Variants in DEK observed in about 807,000 individuals in gnomAD.
DEK encodes DEK proto-oncogene.
Under a neutral mutation model 46.8 loss-of-function variants are expected in DEK, and 28 were observed. The ratio of observed to expected loss-of-function variants is 0.60; its 90% CI spans 0.44 to 0.82. The LOEUF (loss-of-function observed/expected upper bound fraction) is 0.82, where lower values mean the gene tolerates loss of function less well. Ranked by LOEUF, DEK falls within the 40% of genes least tolerant of loss-of-function variation. The probability of loss-of-function intolerance (pLI) is 0.00; values close to 1 mark genes in which losing one functional copy is unlikely to be tolerated. For synonymous variants in DEK, 160 were observed against 144.5 expected, an observed-to-expected ratio of 1.11 and a Z score of -0.77; for missense variants, 416 against 430.6, an observed-to-expected ratio of 0.97 and a Z score of 0.30.
In DEK at chr6:18,249,753, G is replaced by C. The variant is rs1791284166; in HGVS notation, c.660C>G (p.Thr220=). The C allele has an allele frequency of 6.2e-7, 1 of 1,613,080 alleles. No homozygotes were observed. Among genetic ancestry groups the C allele is most frequent in the Non-Finnish European group, 8.5e-7 (1 of 1,179,800 alleles). Residue 220 remains threonine, a synonymous_variant, in exon 7 of 11, where the codon ACC becomes ACG. Coordinates refer to ENST00000652689, the MANE Select transcript of DEK (RefSeq NM_003472.4). The part of the protein sequence containing the change: ...SSGMARKAKR[T]KCPEILSDES... ...CATCTGACAGAATTTCAGGACATTT[G>C]GTTCGCTTAGCCTTCCTTGCCATTC...
At chr6:18,225,836 T>C (rs1270018336) in intron 10 of DEK, 106 bp from the exon 11 acceptor site, 2 of 1,282,730 alleles carry the variant, frequency 1.6e-6, no homozygotes, top group Non-Finnish European at 2.2e-6. Flanking sequence ...TTGAGATCAA[T>C]ACAGAATTAC....
chr6:18,261,154 T>C (rs1271972948), intron 2 of DEK, among the ~76,000 whole-genome samples: 1 of 152,044 alleles, frequency 6.6e-6, no homozygotes, highest in East Asian at 1.9e-4. Flanking sequence ...ACAAGCAGCT[T>C]GCATCCTGAG....
Position 18,237,652 on chromosome 6 carries a change from T to C in DEK, c.763-136A>G, listed in dbSNP as rs1230526515. 7.5e-6 allele frequency: 9 copies of C among 1,196,050 alleles called. No homozygotes were observed. The East Asian group carries it at 2.1e-4, about 28-fold the overall frequency. 74.1% of individuals were successfully genotyped at this position (1,196,050 alleles called of 1,614,324 possible). A position where few individuals can be genotyped will look rare whatever the true frequency, so the allele number is the denominator to read the frequency against. On this transcript the variant is annotated intron_variant, in intron 7 of 10. Coordinates refer to ENST00000652689, the MANE Select transcript of DEK (RefSeq NM_003472.4). The stretch of plus-strand genomic sequence containing the variant: ...TTGGTATCAGCAATTAAAAATTCTT[T>C]TTGAGAGATGACTAATATACAACAA...
intron 7 of DEK, among the ~76,000 whole-genome samples, chr6:18,241,732 A>G (rs950956351): frequency 5.3e-5 from 8 of 152,214 alleles, no homozygotes; most frequent in Non-Finnish European, 1.2e-4. Context: ...TCCCGGCTAC[A>G]TATAATCTTT....
intron 5 of DEK, 53 bp from the exon 6 acceptor site, chr6:18,255,904 T>C (rs1582292715): frequency 1.9e-6 from 3 of 1,555,126 alleles, no homozygotes; most frequent in African/African-American, 2.8e-5. Context: ...AGCTTACATA[T>C]GTTCTCCACA....
At chr6:18,227,567 G>A (rs1317722098) in intron 9 of DEK, among the ~76,000 whole-genome samples, 8 of 152,000 alleles carry the variant, frequency 5.3e-5, no homozygotes, top group Admixed American at 4.6e-4. Context: ...CGGATCCTCC[G>A]TATACTGAAC....
At chr6:18,255,134 A>G (rs933378478) in intron 6 of DEK, among the ~76,000 whole-genome samples, 12 of 152,178 alleles carry the variant, frequency 7.9e-5, no homozygotes, top group African/African-American at 2.9e-4. Flanking sequence ...ATTTTAAGTC[A>G]CCTATGTCAT....
At chr6:18,236,697 G>A in intron 8 of DEK, 97 bp from the exon 9 acceptor site, 1 of 867,776 alleles carries the variant, frequency 1.2e-6, no homozygotes, top group South Asian at 2.8e-5. Flanking sequence ...ATTCTCAAAG[G>A]GGTACTGGAT....
At chr6:18,229,771 C>T (rs995121221) in intron 9 of DEK, among the ~76,000 whole-genome samples, 5 of 152,078 alleles carry the variant, frequency 3.3e-5, no homozygotes, top group Middle Eastern at 3.4e-3. Context: ...CTGAAAGTGA[C>T]GGGGAGAATG....
chr6:18,258,290 T>C lies in DEK; in HGVS notation c.247+14A>G, dbSNP rs369198666. On this transcript the variant is annotated intron_variant, in intron 3 of 10. Coordinates refer to ENST00000652689, the MANE Select transcript of DEK (RefSeq NM_003472.4). The stretch of plus-strand genomic sequence containing the variant: ...CTTTCACCACAAAATGAAAGGAAGC[T>C]AGAATAAACTTACCTTGTGCAATTG... The C allele has an allele frequency of 1.3e-6, 2 of 1,593,732 alleles. No homozygotes were observed. The highest frequency in any genetic ancestry group is 1.4e-5 in the African/African-American group (1 of 73,876).
At chr6:18,229,475 C>T (rs1476158255) in intron 9 of DEK, among the ~76,000 whole-genome samples, 3 of 152,056 alleles carry the variant, frequency 2.0e-5, no homozygotes, top group Non-Finnish European at 4.4e-5. Flanking sequence ...AGCTAAAAAC[C>T]TTGAAAAAAG....
Position 18,226,223 on chromosome 6 carries a change from G to A in DEK, c.1067C>T (p.Thr356Ile), listed in dbSNP as rs1008357354. 6.7e-6 allele frequency: 9 copies of A among 1,347,624 alleles called. No homozygotes were observed. In the African/African-American group the frequency reaches 1.2e-4, roughly 18 times the overall value. 83.5% of individuals were successfully genotyped at this position (1,347,624 alleles called of 1,614,324 possible). Reference sequence around the variant, plus strand: ...ATCTTTTCTTTCAGTTAAATCATAAGTAGGATAATTTTCATAGACCTATGT... The same window carrying A: ...ATCTTTTCTTTCAGTTAAATCATAAATAGGATAATTTTCATAGACCTATGT... ...ICKKVYENYP[T>I]YDLTERKDFI... is the part of the protein sequence containing the mutation. Residue 356 changes from threonine to isoleucine, a missense_variant, in exon 10 of 11, where the codon ACT (threonine) becomes ATT (isoleucine). Physicochemically the swap from Thr to Ile is moderately conservative, Grantham distance 89 (BLOSUM62 -1). Coordinates refer to ENST00000652689, the MANE Select transcript of DEK (RefSeq NM_003472.4).
At chr6:18,244,434 G>A in intron 7 of DEK, 1 of 685,208 alleles carries the variant, frequency 1.5e-6, no homozygotes, top group South Asian at 1.6e-5. Context: ...TAACCATGAA[G>A]GTACAGAATC....
At chr6:18,235,545 G>A (rs4712329) in intron 9 of DEK, among the ~76,000 whole-genome samples, 34,670 of 152,014 alleles carry the variant, frequency 0.23, 4,277 homozygotes, top group East Asian at 0.43. Context: ...CACAGCCCTC[G>A]CTTACAATAT....
At chr6:18,259,354 C>A in intron 2 of DEK, among the ~76,000 whole-genome samples, 1 of 127,072 alleles carries the variant, frequency 7.9e-6, no homozygotes, top group African/African-American at 3.0e-5. Flanking sequence ...GAGATCGCAC[C>A]ACTGCACCTC....
At chr6:18,228,749 C>G (rs1235295340) in intron 9 of DEK, among the ~76,000 whole-genome samples, 1 of 152,232 alleles carries the variant, frequency 6.6e-6, no homozygotes, top group Non-Finnish European at 1.5e-5. Context: ...CTCGGAGAGT[C>G]CCACGCCCAC....
In DEK at chr6:18,263,831, G is replaced by A. The variant is rs538404713; in HGVS notation, c.145+12C>T. 24 of 1,611,318 alleles carry A rather than the reference G, an allele frequency of 1.5e-5. No individual in the cohort carries two copies. The African/African-American group carries it at 1.7e-4, about 12-fold the overall frequency. On this transcript the variant is annotated intron_variant, in intron 2 of 10. Coordinates refer to ENST00000652689, the MANE Select transcript of DEK (RefSeq NM_003472.4). ...CTGAAAAATTCATCAGTTGGGATGCGACTCCCCCCACCTTTTTCCTCCTCC... is the reference window on the plus strand; with the variant it reads ...CTGAAAAATTCATCAGTTGGGATGCAACTCCCCCCACCTTTTTCCTCCTCC...
intron 2 of DEK, among the ~76,000 whole-genome samples, chr6:18,260,985 CAAAAAA>C (rs780634683): frequency 1.3e-5 from 1 of 78,026 alleles, no homozygotes; most frequent in African/African-American, 5.0e-5. Flanking sequence ...ACCTTGTCTC[CAAAAAA>C]AAAAAAAAAA....
At chr6:18,229,546 G>A (rs1043975869) in intron 9 of DEK, among the ~76,000 whole-genome samples, 78 of 152,280 alleles carry the variant, frequency 5.1e-4, no homozygotes, top group Admixed American at 1.4e-3. Context: ...ACCTGATGGC[G>A]CTGAAAACCA....
Sources: allele counts gnomAD v4.1 joint callset (sites outside exome capture counted in the v4.1 genomes callset), GRCh38; gene constraint gnomAD v4.1.1; transcripts MANE v1.5; gene names NCBI Gene and HGNC (gene_info 2026-07-23, HGNC 2026-07-21).